ANKH: variants seen among roughly 807,000 people sequenced by gnomAD.
ANKH encodes mineralization regulator ANKH.
In ANKH, 15 loss-of-function variants were observed where a neutral mutation model predicts 49.0. The observed-to-expected ratio is 0.31, with a 90% CI of 0.20 to 0.47. ANKH has a LOEUF of 0.47. Among genes scored for constraint, ANKH ranks in the 20% least tolerant of loss-of-function variants. The probability of loss-of-function intolerance (pLI) is 1.00; values close to 1 mark genes in which losing one functional copy is unlikely to be tolerated. For missense variants in ANKH, 429 were observed against 652.0 expected, an observed-to-expected ratio of 0.66 and a Z score of 3.72; for synonymous variants, 273 against 260.0, an observed-to-expected ratio of 1.05 and a Z score of -0.48.
At chr5:14,816,535 T>C (rs1159457770) in intron 1 of ANKH, among the ~76,000 whole-genome samples, 2 of 152,006 alleles carry the variant, frequency 1.3e-5, no homozygotes, top group African/African-American at 4.8e-5. Context: ...GAAGGGAAAA[T>C]AAATCATGAT....
Position 14,732,022 on chromosome 5 carries a change from C to T in ANKH, c.1011+9805G>A, listed in dbSNP as rs925637586. ...CACAGGACCCAGGTTTCTGTGGACACGCGGGTGTTCTTTCTCACCTGAGGA... is the reference window on the plus strand; with the variant it reads ...CACAGGACCCAGGTTTCTGTGGACATGCGGGTGTTCTTTCTCACCTGAGGA... On this transcript the variant is annotated intron_variant, in intron 8 of 11. Transcript: ENST00000284268. Among the ~76,000 whole-genome samples the T allele has an allele frequency of 5.3e-5, 8 of 152,280 alleles. No individual in the cohort carries two copies. The East Asian group carries it at 5.8e-4, about 11-fold the overall frequency.
intron 1 of ANKH, among the ~76,000 whole-genome samples, chr5:14,824,178 A>T (rs1741275532): frequency 6.6e-6 from 1 of 152,186 alleles, no homozygotes; most frequent in African/African-American, 2.4e-5. Flanking sequence ...GAAAAAAAAT[A>T]GTCTCTGATG....
At chr5:14,795,058 G>A (rs42274) in intron 1 of ANKH, among the ~76,000 whole-genome samples, 73,018 of 152,066 alleles carry the variant, frequency 0.48, 17,841 homozygotes, top group East Asian at 0.75. Context: ...CTGGTCCAAC[G>A]TGCATCCACC....
chr5:14,829,697 CA>C, intron 1 of ANKH, among the ~76,000 whole-genome samples: 1 of 152,164 alleles, frequency 6.6e-6, no homozygotes, highest in Non-Finnish European at 1.5e-5. Flanking sequence ...AACCTCCTCA[CA>C]AAATCATTAC....
At chr5:14,769,367 C>T (rs1253664410) in intron 1 of ANKH, among the ~76,000 whole-genome samples, 176 bp from the exon 2 acceptor site, 1 of 152,122 alleles carries the variant, frequency 6.6e-6, no homozygotes, top group Non-Finnish European at 1.5e-5. Context: ...TCTACATCAG[C>T]TTCAGTTTGA....
At chr5:14,721,934 A>AC (rs946849243) in intron 8 of ANKH, among the ~76,000 whole-genome samples, 1 of 147,212 alleles carries the variant, frequency 6.8e-6, no homozygotes, top group African/African-American at 2.5e-5. Context: ...CGTCTCAAAA[A>AC]AAAAAAAAAA....
intron 8 of ANKH, among the ~76,000 whole-genome samples, chr5:14,731,612 CTG>C (rs1345957201): frequency 2.6e-5 from 4 of 152,156 alleles, no homozygotes; most frequent in African/African-American, 7.2e-5. Flanking sequence ...AACCATAAAA[CTG>C]TGCAAGGTTC....
chr5:14,748,140 T>C (rs1738599011), intron 6 of ANKH, among the ~76,000 whole-genome samples: 1 of 151,966 alleles, frequency 6.6e-6, no homozygotes, highest in Non-Finnish European at 1.5e-5. Flanking sequence ...GTGGTGGGGG[T>C]CCCATACTTT....
chr5:14,756,158 G>A (rs763482003), intron 3 of ANKH, among the ~76,000 whole-genome samples: 3 of 152,192 alleles, frequency 2.0e-5, no homozygotes, highest in African/African-American at 4.8e-5. Context: ...AGGACTGCAC[G>A]CAGGTATTTA....
At chr5:14,816,389 T>C (rs1741037681) in intron 1 of ANKH, among the ~76,000 whole-genome samples, 1 of 152,172 alleles carries the variant, frequency 6.6e-6, no homozygotes, top group Non-Finnish European at 1.5e-5. Context: ...AATTGTTGTG[T>C]GGATGATTTT....
chr5:14,769,321 A>C, intron 1 of ANKH, 130 bp from the exon 2 acceptor site: 11 of 763,226 alleles, frequency 1.4e-5, no homozygotes, highest in Non-Finnish European at 2.0e-5. Flanking sequence ...GGTGCATCTC[A>C]TGTAATTGGA....
At chr5:14,854,770 T>C (rs1161465566) in intron 1 of ANKH, among the ~76,000 whole-genome samples, 2 of 152,134 alleles carry the variant, frequency 1.3e-5, no homozygotes, top group Non-Finnish European at 2.9e-5. Flanking sequence ...GCCAGGTCCA[T>C]TTGACTGTAG....
intron 1 of ANKH, among the ~76,000 whole-genome samples, chr5:14,769,396 G>A (rs1739354962): frequency 6.6e-6 from 1 of 152,116 alleles, no homozygotes; most frequent in African/African-American, 2.4e-5. Flanking sequence ...TTGTGAAGGA[G>A]ATACCTGACC....
At chr5:14,717,068 A>G (rs1036326791) in intron 8 of ANKH, 1 of 507,130 alleles carries the variant, frequency 2.0e-6, no homozygotes, top group African/African-American at 1.9e-5. Flanking sequence ...GGCAGAGCAG[A>G]TGTGGCTCCT....
intron 1 of ANKH, among the ~76,000 whole-genome samples, chr5:14,800,220 C>A (rs992811605): frequency 5.3e-5 from 8 of 152,202 alleles, no homozygotes; most frequent in Non-Finnish European, 1.0e-4. Context: ...GGAGCTGCTT[C>A]TTACGGATAA....
chr5:14,841,187 A>G (rs1365513904), intron 1 of ANKH, among the ~76,000 whole-genome samples: 1 of 152,240 alleles, frequency 6.6e-6, no homozygotes, highest in African/African-American at 2.4e-5. Context: ...GAAAAAACTT[A>G]GGCCTCTTAA....
intron 1 of ANKH, among the ~76,000 whole-genome samples, chr5:14,865,048 G>A (rs995091664): frequency 2.6e-5 from 4 of 152,196 alleles, no homozygotes; most frequent in Admixed American, 2.0e-4. Context: ...ACGACCTGAG[G>A]TCAGGAATTC....
At chr5:14,826,639 C>G (rs188687578) in intron 1 of ANKH, among the ~76,000 whole-genome samples, 273 of 152,258 alleles carry the variant, frequency 1.8e-3, no homozygotes, top group African/African-American at 6.2e-3. Flanking sequence ...TACATGTTAG[C>G]TTTCATTATT....
At chr5:14,854,153 A>T (rs1278634801) in intron 1 of ANKH, among the ~76,000 whole-genome samples, 1 of 152,254 alleles carries the variant, frequency 6.6e-6, no homozygotes, top group Non-Finnish European at 1.5e-5. Flanking sequence ...TTAAAGGGAT[A>T]AATGAATATC....
Sources: allele counts gnomAD v4.1 joint callset (sites outside exome capture counted in the v4.1 genomes callset), GRCh38; gene constraint gnomAD v4.1.1; transcripts MANE v1.5; gene names NCBI Gene and HGNC (gene_info 2026-07-23, HGNC 2026-07-21).